Variants in MBP observed in about 807,000 individuals in gnomAD.
The protein encoded by MBP is Golli-MBP.
Under a neutral mutation model 35.8 loss-of-function variants are expected in MBP, and 16 were observed. The observed-to-expected ratio is 0.45, with a 90% CI of 0.30 to 0.68. The LOEUF (loss-of-function observed/expected upper bound fraction) is 0.68. Ranked by LOEUF, MBP falls within the 30% of genes least tolerant of loss-of-function variation. The pLI, the probability that MBP is intolerant of heterozygous loss-of-function variation, is 0.08. For missense variants in MBP, 380 were observed against 404.7 expected (o/e 0.94, Z 0.52); for synonymous variants, 143 against 159.6 (o/e 0.90, Z 0.78).
chr18:77,100,516 T>A (rs995196537), intron 2 of MBP, among the ~76,000 whole-genome samples: 1 of 13,302 alleles, frequency 7.5e-5, no homozygotes, highest in Non-Finnish European at 1.3e-3. Context: ...GGGGTGTGTG[T>A]GTGTGTGTGT....
intron 4 of MBP, chr18:77,015,098 G>A: frequency 2.0e-6 from 2 of 982,696 alleles, no homozygotes; most frequent in Non-Finnish European, 2.4e-6. Flanking sequence ...TACCATAAAG[G>A]AAGAAAAACA....
intron 1 of MBP, among the ~76,000 whole-genome samples, 161 bp from the exon 2 acceptor site, chr18:77,105,447 T>C (rs755794037): frequency 6.6e-6 from 1 of 152,222 alleles, no homozygotes; most frequent in Non-Finnish European, 1.5e-5. Flanking sequence ...CAAGTCATCT[T>C]ATTAACACAT....
chr18:77,008,715 C>T (rs995102197), intron 4 of MBP, among the ~76,000 whole-genome samples: 2 of 152,198 alleles, frequency 1.3e-5, no homozygotes, highest in Non-Finnish European at 2.9e-5. Flanking sequence ...GACTGGCCAT[C>T]CCGGGGCCAG....
At chr18:76,986,615 C>T in intron 7 of MBP, 1 of 985,540 alleles carries the variant, frequency 1.0e-6, no homozygotes, top group Non-Finnish European at 1.2e-6. Context: ...GCAAGAAGGT[C>T]TAAGCACTGC....
intron 2 of MBP, chr18:77,068,961 G>A (rs1974318418): frequency 2.1e-6 from 1 of 467,828 alleles, no homozygotes; most frequent in Non-Finnish European, 4.3e-6. Flanking sequence ...CTCACCTCGG[G>A]GACTCTGACC....
chr18:77,042,005 G>A (rs1355924589), intron 3 of MBP, among the ~76,000 whole-genome samples: 2 of 151,554 alleles, frequency 1.3e-5, no homozygotes, highest in African/African-American at 2.4e-5. Flanking sequence ...CCGCATCATC[G>A]ATTTGTCACC....
At chr18:77,033,768 AT>A (rs1972633092) in intron 3 of MBP, among the ~76,000 whole-genome samples, 1 of 128,612 alleles carries the variant, frequency 7.8e-6, no homozygotes, top group Non-Finnish European at 1.6e-5. Context: ...CCATCCATCC[AT>A]CCATCCATCC....
intron 3 of MBP, among the ~76,000 whole-genome samples, chr18:77,065,012 A>G (rs1974136633): frequency 6.6e-6 from 1 of 152,170 alleles, no homozygotes; most frequent in Non-Finnish European, 1.5e-5. Flanking sequence ...TGGGCAAGTC[A>G]CTGAGCCTCA....
chr18:76,992,133 C>T (rs1030347909), intron 4 of MBP, among the ~76,000 whole-genome samples: 1 of 152,186 alleles, frequency 6.6e-6, no homozygotes, highest in Non-Finnish European at 1.5e-5. Context: ...CTTCCCTACT[C>T]GATCCTCTTC....
chr18:77,068,525 G>T (rs567062902), intron 2 of MBP, among the ~76,000 whole-genome samples: 2 of 152,130 alleles, frequency 1.3e-5, no homozygotes, highest in Non-Finnish European at 2.9e-5. Flanking sequence ...TCCTCTGCTC[G>T]GCTCATTGGA....
intron 3 of MBP, among the ~76,000 whole-genome samples, chr18:77,063,919 T>C (rs1373923674): frequency 6.7e-6 from 1 of 149,010 alleles, no homozygotes; most frequent in Admixed American, 6.6e-5. Flanking sequence ...TGTGTGTGTG[T>C]GTGTATGTGT....
In MBP at chr18:76,979,858, G is replaced by T. The variant is rs974153347; in HGVS notation, c.*569C>A. 1 of 669,922 alleles carries T rather than the reference G, an allele frequency of 1.5e-6. No individual in the cohort carries two copies. The highest frequency in any genetic ancestry group is 1.6e-5 in the South Asian group (1 of 61,296). 41.5% of individuals were successfully genotyped at this position (669,922 alleles called of 1,614,324 possible). On this transcript the variant is annotated 3_prime_UTR_variant, in exon 9 of 9. Coordinates refer to ENST00000355994, the MANE Select transcript of MBP (RefSeq NM_001025101.2). The stretch of plus-strand genomic sequence containing the variant: ...TTGGACTCTAACAGCTGCCCAGCCC[G>T]CATGTCACATACCAAAAGCTCCCAC...
chr18:77,058,398 G>A (rs1368994229), intron 3 of MBP, among the ~76,000 whole-genome samples: 1 of 152,160 alleles, frequency 6.6e-6, no homozygotes, highest in Non-Finnish European at 1.5e-5. Context: ...TGACAGCCCG[G>A]CCGGACCCAG....
chr18:77,066,500 CT>C lies in MBP; in HGVS notation c.52-116del. 9.9e-6 allele frequency: 8 copies of C among 806,278 alleles called. No individual in the cohort carries two copies. The South Asian group carries it at 1.1e-4, about 11-fold the overall frequency. 49.9% of individuals were successfully genotyped at this position (806,278 alleles called of 1,614,324 possible). On this transcript the variant is annotated intron_variant, in intron 2 of 8. Coordinates refer to ENST00000355994, the MANE Select transcript of MBP (RefSeq NM_001025101.2). ...TTTTATCAGATAATCAGTTTCACAT[CT>C]GTTTTCAAGATAGAATATAGAGCCT...
At chr18:77,045,850 G>T (rs1312926203) in intron 3 of MBP, among the ~76,000 whole-genome samples, 1 of 152,190 alleles carries the variant, frequency 6.6e-6, no homozygotes, top group African/African-American at 2.4e-5. Context: ...TGACATCCTG[G>T]AAAGTGGATG....
Position 76,980,122 on chromosome 18 carries a change from G to C in MBP, c.*305C>G, listed in dbSNP as rs1213320001. On this transcript the variant is annotated 3_prime_UTR_variant, in exon 9 of 9. Transcript: ENST00000355994. ...CCAAGGGTGGAGGGGTGAACGTGGA[G>C]GGACGTCTGTGCACCTGGCCCCCTG... The C allele has an allele frequency of 4.4e-6, 3 of 676,174 alleles. No individual in the cohort carries two copies. Among genetic ancestry groups the C allele is most frequent in the Non-Finnish European group, 8.0e-6 (3 of 374,308 alleles). The allele number at this position is 676,174 out of a possible 1,614,324, so 41.9% of individuals were successfully genotyped here.
At chr18:77,125,992 C>T (rs1977036255) in intron 1 of MBP, among the ~76,000 whole-genome samples, 1 of 151,860 alleles carries the variant, frequency 6.6e-6, no homozygotes, top group Non-Finnish European at 1.5e-5. Context: ...TCTACTAAAA[C>T]AGTTAAGGAG....
rs560521232 is a variant in MBP at position 77,092,465 on chromosome 18, G to A, written c.51+12746C>T. The stretch of plus-strand genomic sequence containing the variant: ...AGCACCGCGCTCTCCAGATGCAAAC[G>A]GACACACGCAAACCGGCCCCAGACT... On this transcript the variant is annotated intron_variant, in intron 2 of 8. Transcript: ENST00000355994. Among the ~76,000 whole-genome samples the A allele has an allele frequency of 2.6e-5, 4 of 152,322 alleles. No individual in the cohort carries two copies. In the Middle Eastern group the frequency reaches 0.014, roughly 518 times the overall value.
intron 1 of MBP, among the ~76,000 whole-genome samples, chr18:77,120,038 T>C (rs914060762): frequency 2.0e-5 from 3 of 152,018 alleles, no homozygotes; most frequent in East Asian, 1.9e-4. Context: ...CAGACCCCAA[T>C]GTCTCCAGAG....
Sources: gnomAD v4.1 joint callset for allele counts (sites outside exome capture counted in the v4.1 genomes callset) on GRCh38, gnomAD v4.1.1 for gene constraint, MANE v1.5 for transcripts, NCBI Gene and HGNC (gene_info 2026-07-23, HGNC 2026-07-21) for gene names.